SNTB2: variants seen among roughly 807,000 people sequenced by gnomAD.
The protein encoded by SNTB2 is syntrophin beta 2.
Under a neutral mutation model 46.2 loss-of-function variants are expected in SNTB2, and 34 were observed. The observed-to-expected ratio is 0.74, with a 90% CI of 0.56 to 0.98. SNTB2 has a LOEUF of 0.98. Among genes scored for constraint, SNTB2 ranks in the 50% least tolerant of loss-of-function variants. The probability of loss-of-function intolerance (pLI) is 0.00; values close to 1 mark genes in which losing one functional copy is unlikely to be tolerated. For synonymous variants in SNTB2, 290 were observed against 312.6 expected, an observed-to-expected ratio of 0.93 and a Z score of 0.76; for missense variants, 603 against 731.4, an observed-to-expected ratio of 0.82 and a Z score of 2.02.
intron 1 of SNTB2, among the ~76,000 whole-genome samples, chr16:69,223,766 C>A (rs1964430639): frequency 6.6e-6 from 1 of 151,848 alleles, no homozygotes. Context: ...GTAGCTGGGA[C>A]TACAGGTGCC....
At position 69,305,362 on chromosome 16, in the gene SNTB2, T is replaced by C. The variant is rs556000338; in HGVS notation, c.*4438T>C. On this transcript the variant is annotated 3_prime_UTR_variant, in exon 7 of 7. Coordinates refer to ENST00000336278, the MANE Select transcript of SNTB2 (RefSeq NM_006750.4). Reference sequence around the variant, plus strand: ...ACACTTATGCTGAATTATGTTCTTATTATTTTCACTGGTTATAAGCTATTC... The same window carrying C: ...ACACTTATGCTGAATTATGTTCTTACTATTTTCACTGGTTATAAGCTATTC... 3.3e-5 allele frequency: 5 copies of C among 152,480 alleles called. No individual in the cohort carries two copies. The East Asian group carries it at 9.6e-4, about 29-fold the overall frequency. The allele number at this position is 152,480 out of a possible 1,614,324, so 9.4% of individuals were successfully genotyped here. A position where few individuals can be genotyped will look rare whatever the true frequency, so the allele number is the denominator to read the frequency against.
intron 1 of SNTB2, among the ~76,000 whole-genome samples, chr16:69,194,741 G>A (rs1196559257): frequency 6.6e-6 from 1 of 152,106 alleles, no homozygotes; most frequent in Non-Finnish European, 1.5e-5. Flanking sequence ...CCAGGGAATG[G>A]GGCAATTTTC....
intron 1 of SNTB2, among the ~76,000 whole-genome samples, chr16:69,196,370 CTTTTTCTTTTT>C (rs1964105660): frequency 6.8e-6 from 1 of 147,914 alleles, no homozygotes; most frequent in Non-Finnish European, 1.5e-5. Flanking sequence ...TTTTTCTTTT[CTTTTTCTTTTT>C]TTTTTTTTTT....
chr16:69,270,102 T>G (rs1221277692), intron 3 of SNTB2, 41 bp from the exon 4 acceptor site: 2 of 1,613,052 alleles, frequency 1.2e-6, no homozygotes, highest in Non-Finnish European at 1.7e-6. Context: ...AAAGACGTGA[T>G]TATAGTTAGC....
At chr16:69,205,339 T>TA (rs1295487949) in intron 1 of SNTB2, among the ~76,000 whole-genome samples, 2 of 139,292 alleles carry the variant, frequency 1.4e-5, no homozygotes, top group Non-Finnish European at 1.6e-5. Flanking sequence ...TTTTTTTTTT[T>TA]AATTATACTC....
chr16:69,238,277 C>A (rs1964577354), intron 1 of SNTB2, among the ~76,000 whole-genome samples: 1 of 152,200 alleles, frequency 6.6e-6, no homozygotes, highest in African/African-American at 2.4e-5. Context: ...CTGCTCCTCT[C>A]ACATCGGTCT....
chr16:69,295,952 A>G (rs949153474), intron 5 of SNTB2, among the ~76,000 whole-genome samples: 1 of 152,200 alleles, frequency 6.6e-6, no homozygotes, highest in East Asian at 1.9e-4. Context: ...ACCAGGTCAC[A>G]GTCTCATTCA....
intron 4 of SNTB2, among the ~76,000 whole-genome samples, chr16:69,271,802 G>A (rs1964940242): frequency 6.6e-6 from 1 of 152,166 alleles, no homozygotes; most frequent in African/African-American, 2.4e-5. Flanking sequence ...GCATGAAGCA[G>A]AAATTTACCA....
In SNTB2 at chr16:69,283,975, A is replaced by G. The variant is rs969865378; in HGVS notation, c.1149-73A>G. 2.4e-5 allele frequency: 33 copies of G among 1,383,094 alleles called. No homozygotes were observed. In the Admixed American group the frequency reaches 4.4e-4, roughly 18 times the overall value. The allele number at this position is 1,383,094 out of a possible 1,614,324, so 85.7% of individuals were successfully genotyped here. Reference sequence around the variant, plus strand: ...TTGCTTTTATAAGTTTCTCTTATCAATGAGCACAAATTCCTGACATTTTTG... The same window carrying G: ...TTGCTTTTATAAGTTTCTCTTATCAGTGAGCACAAATTCCTGACATTTTTG... On this transcript the variant is annotated intron_variant, in intron 4 of 6. Transcript: ENST00000336278.
At chr16:69,260,370 A>G (rs1964823937) in intron 3 of SNTB2, 110 bp downstream of exon 3, 2 of 947,554 alleles carry the variant, frequency 2.1e-6, no homozygotes, top group Non-Finnish European at 3.2e-6. Flanking sequence ...CTGGATATCT[A>G]GCTTGCAGAT....
In SNTB2 at chr16:69,226,049, T is replaced by G. The variant is rs552200677; in HGVS notation, c.581-19553T>G. On this transcript the variant is annotated intron_variant, in intron 1 of 6. Transcript: ENST00000336278. ...TCCCAAAGTGCTAGGATTAAAGGCA[T>G]GAGATGCCCAGTTCTTCTGTTTTTT... Among the ~76,000 whole-genome samples, 5 of 151,904 alleles carry G rather than the reference T, an allele frequency of 3.3e-5. No homozygotes were observed. The South Asian group carries it at 8.3e-4, about 25-fold the overall frequency.
chr16:69,294,817 GATT>G (rs1216234773), intron 5 of SNTB2, among the ~76,000 whole-genome samples: 1 of 149,688 alleles, frequency 6.7e-6, no homozygotes, highest in Non-Finnish European at 1.5e-5. Flanking sequence ...TGTAGTTTTT[GATT>G]TTTTTTTTTT....
At chr16:69,235,843 A>G (rs1239843305) in intron 1 of SNTB2, 1 of 1,289,268 alleles carries the variant, frequency 7.8e-7, no homozygotes, top group South Asian at 1.2e-5. Flanking sequence ...GGTGAGTTTG[A>G]ACCCGTTAGC....
intron 1 of SNTB2, among the ~76,000 whole-genome samples, chr16:69,242,524 T>G (rs1451361253): frequency 1.3e-5 from 2 of 152,160 alleles, no homozygotes; most frequent in East Asian, 1.9e-4. Context: ...AACAAAAATT[T>G]TAAATATACA....
intron 1 of SNTB2, among the ~76,000 whole-genome samples, chr16:69,218,488 C>G (rs945447713): frequency 6.6e-6 from 1 of 151,074 alleles, no homozygotes; most frequent in Non-Finnish European, 1.5e-5. Flanking sequence ...GTGGCACGAT[C>G]TCGGCTCACT....
At chr16:69,294,072 G>C (rs1456433781) in intron 5 of SNTB2, among the ~76,000 whole-genome samples, 1 of 152,094 alleles carries the variant, frequency 6.6e-6, no homozygotes, top group Non-Finnish European at 1.5e-5. Flanking sequence ...CTGTTGCCCA[G>C]GCTGGAGAGC....
chr16:69,205,316 ATTTTTTTTT>A (rs34575541), intron 1 of SNTB2, among the ~76,000 whole-genome samples: 6 of 131,006 alleles, frequency 4.6e-5, no homozygotes, highest in African/African-American at 1.2e-4. Context: ...CGCTTGGCAA[ATTTTTTTTT>A]TTTTTTTTTT....
Position 69,284,071 on chromosome 16 carries a change from G to A in SNTB2, c.1172G>A (p.Cys391Tyr). 6.2e-7 allele frequency: 1 copy of A among 1,612,994 alleles called. No homozygotes were observed. The highest frequency in any genetic ancestry group is 8.5e-7 in the Non-Finnish European group (1 of 1,179,364). Residue 391 changes from cysteine to tyrosine, a missense_variant, in exon 5 of 7, where the codon TGT becomes TAT. By Grantham distance (194) the Cys-to-Tyr change is radical (BLOSUM62 -2). This residue lies in a region of SNTB2 where 537 missense variants were observed against 692.4 expected (regional missense o/e 0.78). Coordinates refer to ENST00000336278, the MANE Select transcript of SNTB2 (RefSeq NM_006750.4). The stretch of plus-strand genomic sequence containing the variant: ...AGGTTGGTTCATTCTGGCTCCGGAT[G>A]TCGATCCCCCTCCCTTGGATCTGAC... ...ATRLVHSGSG[C>Y]RSPSLGSDLT... is the part of the protein sequence containing the mutation.
intron 4 of SNTB2, among the ~76,000 whole-genome samples, chr16:69,276,468 C>T (rs1964986351): frequency 6.6e-6 from 1 of 152,206 alleles, no homozygotes; most frequent in Admixed American, 6.5e-5. Context: ...TTTTTAATGT[C>T]TGTTTTGGGA....
Sources: allele counts gnomAD v4.1 joint callset (sites outside exome capture counted in the v4.1 genomes callset), GRCh38; gene constraint gnomAD v4.1.1; regional missense constraint gnomAD v4.1.1; transcripts MANE v1.5; gene names NCBI Gene and HGNC (gene_info 2026-07-23, HGNC 2026-07-21).